TLN1: variants seen among roughly 807,000 people sequenced by gnomAD.
TLN1 encodes the protein talin 1.
In TLN1, 56 loss-of-function variants were observed where a neutral mutation model predicts 292.3. That is an observed-to-expected ratio of 0.19 (90% CI 0.15 to 0.24). The LOEUF is 0.24. TLN1 is among the 10% of genes least tolerant of loss of function. TLN1 has a pLI of 1.00. For missense variants in TLN1, 2,433 were observed against 3,248.2 expected (o/e 0.75, Z 6.10); for synonymous variants, 1,119 against 1,253.7 (o/e 0.89, Z 2.27).
At chr9:35,711,901 GGACA>G (rs1825676576) in intron 28 of TLN1, 100 bp downstream of exon 28, 1 of 1,592,702 alleles carries the variant, frequency 6.3e-7, no homozygotes, top group African/African-American at 1.3e-5. Context: ...TAATGAAAGG[GGACA>G]GATCTGGGAA....
chr9:35,711,595 C>T lies in TLN1; in HGVS notation c.3879G>A (p.Pro1293=), dbSNP rs1218725010. The T allele has an allele frequency of 6.2e-6, 10 of 1,613,528 alleles. No individual in the cohort carries two copies. The highest frequency in any genetic ancestry group is 1.7e-5 in the Admixed American group (1 of 60,024). ...AACCAGACCCTCTGCCTCTTCATAC[C>T]GGAGCCTGGCCTGCCATCTCCACAC... ...EAGVEMAGQA[P]SQEDRAQVVS... is the part of the protein sequence containing the mutation. Residue 1293 remains proline, a splice_region_variant and synonymous_variant, in exon 29 of 57, where the codon CCG becomes CCA. Transcript: ENST00000314888.
chr9:35,707,947 C>A lies in TLN1; in HGVS notation c.4471-55G>T. 2 of 1,586,532 alleles carry A rather than the reference C, an allele frequency of 1.3e-6. No homozygotes were observed. The highest frequency in any genetic ancestry group is 1.7e-5 in the Admixed American group (1 of 58,670). On this transcript the variant is annotated intron_variant, in intron 34 of 56. Transcript: ENST00000314888. This position sits in a 1 kb window ranked among gnomAD's most constrained non-coding sequence, Gnocchi z 5.6. ...AGGGCAGGAAGGAGGTGTACATACC[C>A]AAGGAGGAGCCATTTTAGGGTCAGG...
At position 35,707,540 on chromosome 9, in the gene TLN1, T is replaced by A. The variant is rs376738009; in HGVS notation, c.4633-52A>T. 6.2e-7 allele frequency: 1 copy of A among 1,601,478 alleles called. No homozygotes were observed. The highest frequency in any genetic ancestry group is 1.7e-5 in the Admixed American group (1 of 59,358). Reference sequence around the variant, plus strand: ...ACTTGGGATGCAGTCATAGGGGGTATAGGAAGTGAAGTCCAGGTCTCCTTC... The same window carrying A: ...ACTTGGGATGCAGTCATAGGGGGTAAAGGAAGTGAAGTCCAGGTCTCCTTC... On this transcript the variant is annotated intron_variant, in intron 35 of 56. Coordinates refer to ENST00000314888, the MANE Select transcript of TLN1 (RefSeq NM_006289.4). The surrounding 1 kb of genome is among the most constrained non-coding windows in gnomAD (Gnocchi z 5.6).
rs745741479 is a variant in TLN1 at position 35,724,001 on chromosome 9, T to C, written c.733A>G (p.Ile245Val). ...TGCTCATTGTGGGGCCCAAACTGGA[T>C]CTGGCATTGGAAGCCAGCAAACTCA... ...ACEFAGFQCQ[I>V]QFGPHNEQKH... is the part of the protein sequence containing the mutation. The change falls in exon 7 of 57, where the codon ATC (isoleucine) becomes GTC (valine). Residue 245 changes from isoleucine (I) to valine (V), a missense_variant. Transcript: ENST00000314888. The surrounding 1 kb of genome is among the most constrained non-coding windows in gnomAD (Gnocchi z 4.7). 15 of 1,613,866 alleles carry C rather than the reference T, an allele frequency of 9.3e-6. No individual in the cohort carries two copies. The Admixed American group carries it at 1.3e-4, about 14-fold the overall frequency.
intron 33 of TLN1, among the ~76,000 whole-genome samples, chr9:35,708,819 A>G (rs905957527): frequency 2.0e-5 from 3 of 152,266 alleles, no homozygotes; most frequent in African/African-American, 7.2e-5. Flanking sequence ...TACTGTAAGT[A>G]GCAGTAAAAC....
intron 48 of TLN1, among the ~76,000 whole-genome samples, chr9:35,702,436 G>A (rs545882394): frequency 6.6e-6 from 1 of 152,152 alleles, no homozygotes; most frequent in Non-Finnish European, 1.5e-5. Context: ...AATGACGTTC[G>A]AGAAACAAGA....
Position 35,718,858 on chromosome 9 carries a change from T to A in TLN1, c.1949A>T (p.Glu650Val). 6.2e-7 allele frequency: 1 copy of A among 1,613,666 alleles called. No homozygotes were observed. Among genetic ancestry groups the A allele is most frequent in the Non-Finnish European group, 8.5e-7 (1 of 1,179,836 alleles). ...ACTTTCCCCAATTTGTTGCAACAGC[T>A]CCCCACTGGCCTGGCCCACGTTCCC... ...AAGNVGQASG[E>V]LLQQIGESDT... Residue 650 changes from glutamate (E) to valine (V), a missense_variant, in exon 17 of 57, where the codon GAG becomes GTG. By Grantham distance (121) the Glu-to-Val change is moderately radical. Transcript: ENST00000314888.
In TLN1 at chr9:35,704,588, G is replaced by C. The variant is rs1825528611; in HGVS notation, c.5880+81C>G. 6.3e-7 allele frequency: 1 copy of C among 1,593,522 alleles called. No individual in the cohort carries two copies. Among genetic ancestry groups the C allele is most frequent in the Non-Finnish European group, 8.6e-7 (1 of 1,168,518 alleles). ...CCTGGGAGAAGTGACAACAGGAGAG[G>C]GCTGAGAGGGCTGGAGGAGGATGGC... On this transcript the variant is annotated intron_variant, in intron 44 of 56. Coordinates refer to ENST00000314888, the MANE Select transcript of TLN1 (RefSeq NM_006289.4). This position sits in a 1 kb window ranked among gnomAD's most constrained non-coding sequence, Gnocchi z 6.9.
rs147500636 is a variant in TLN1, at chr9:35,704,365, T to C, written c.6014A>G (p.Asn2005Ser). The change falls in exon 45 of 57, where the codon AAT (asparagine) becomes AGT (serine). Residue 2005 changes from asparagine to serine, a missense_variant. This residue lies in a region of TLN1 where 1,384 missense variants were observed against 1,699.6 expected (regional missense o/e 0.81). Transcript: ENST00000314888. The surrounding 1 kb of genome is among the most constrained non-coding windows in gnomAD (Gnocchi z 6.9). ...TIMFATAGTL[N>S]REGTETFADH... ...AGCGAAAGTTTCAGTACCCTCACGATTGAGCGTGCCAGCAGTGGCGAACAT... is the reference window on the plus strand; with the variant it reads ...AGCGAAAGTTTCAGTACCCTCACGACTGAGCGTGCCAGCAGTGGCGAACAT... 104 of 1,613,992 alleles carry C rather than the reference T, an allele frequency of 6.4e-5. No individual in the cohort carries two copies. Among genetic ancestry groups the C allele is most frequent in the Middle Eastern group, 1.6e-4 (1 of 6,082 alleles).
At chr9:35,708,700 A>G (rs1825607609) in intron 33 of TLN1, among the ~76,000 whole-genome samples, 1 of 152,262 alleles carries the variant, frequency 6.6e-6, no homozygotes, top group East Asian at 1.9e-4. Flanking sequence ...CAAGCATTTC[A>G]GAAGATTAAA....
At chr9:35,721,876 C>A in intron 9 of TLN1, 73 bp from the exon 10 acceptor site, 1 of 1,571,160 alleles carries the variant, frequency 6.4e-7, no homozygotes. Flanking sequence ...GATCAGCTTG[C>A]AGCCATAGGG....
intron 1 of TLN1, among the ~76,000 whole-genome samples, chr9:35,726,637 A>C (rs1404653353): frequency 6.6e-6 from 1 of 152,190 alleles, no homozygotes; most frequent in Non-Finnish European, 1.5e-5. Flanking sequence ...CAAGCCATTC[A>C]GGGGTCCGCT....
rs1825400508 is a variant in TLN1 at position 35,698,200 on chromosome 9, G to A, written c.7372-28C>T. ...GGGCAGAGAGAAAGTGGCCTAGGTTGAGAACTCAGGTACGGTCCCAGTTGA... is the reference window on the plus strand; with the variant it reads ...GGGCAGAGAGAAAGTGGCCTAGGTTAAGAACTCAGGTACGGTCCCAGTTGA... On this transcript the variant is annotated intron_variant, in intron 55 of 56. Coordinates refer to ENST00000314888, the MANE Select transcript of TLN1 (RefSeq NM_006289.4). This position sits in a 1 kb window ranked among gnomAD's most constrained non-coding sequence, Gnocchi z 5.3. The A allele has an allele frequency of 6.2e-7, 1 of 1,613,550 alleles. No homozygotes were observed. Among genetic ancestry groups the A allele is most frequent in the Non-Finnish European group, 8.5e-7 (1 of 1,179,756 alleles).
At chr9:35,725,009 T>A (rs1825944371) in intron 3 of TLN1, 50 bp from the exon 4 acceptor site, 1 of 1,611,972 alleles carries the variant, frequency 6.2e-7, no homozygotes, top group Non-Finnish European at 8.5e-7. Flanking sequence ...CTAGGGGTAT[T>A]ATTTCCTCTT....
chr9:35,705,244 CA>C (rs550619091), intron 43 of TLN1, among the ~76,000 whole-genome samples: 52 of 152,266 alleles, frequency 3.4e-4, no homozygotes, highest in African/African-American at 1.2e-3. Flanking sequence ...GAGTTTGCAA[CA>C]AGAAAGAACA....
chr9:35,705,760 A>G lies in TLN1; in HGVS notation c.5603T>C (p.Val1868Ala). The change falls in exon 42 of 57, where the codon GTT (valine) becomes GCT (alanine). Residue 1868 changes from valine (V) to alanine (A), a missense_variant. By Grantham distance (64) the Val-to-Ala change is moderately conservative (BLOSUM62 0). Around this residue, in one of 7 missense-constraint regions of TLN1, gnomAD observed 1,384 missense variants for 1,699.6 expected, o/e 0.81. Coordinates refer to ENST00000314888, the MANE Select transcript of TLN1 (RefSeq NM_006289.4). ...CTCGCCCAAACTCACCATCTCCTGA[A>G]CGGTCACTGCAATGGCCTTGGCTGT... ...VRTAKAIAVT[V>A]QEMVTKSNTS... The G allele has an allele frequency of 6.2e-7, 1 of 1,614,230 alleles. No homozygotes were observed. Among genetic ancestry groups the G allele is most frequent in the Non-Finnish European group, 8.5e-7 (1 of 1,180,038 alleles).
At chr9:35,726,121 C>T (rs1825974478) in intron 1 of TLN1, among the ~76,000 whole-genome samples, 1 of 152,176 alleles carries the variant, frequency 6.6e-6, no homozygotes, top group Admixed American at 6.5e-5. Context: ...ACCATGTTAG[C>T]CAGGATGGTC....
At chr9:35,721,833 C>T (rs773646912) in intron 9 of TLN1, 30 bp from the exon 10 acceptor site, 3 of 1,602,528 alleles carry the variant, frequency 1.9e-6, no homozygotes, top group East Asian at 2.2e-5. Flanking sequence ...GTTGGTGTTA[C>T]AGGTCAGAGG....
chr9:35,715,321 A>G, intron 20 of TLN1, 134 bp from the exon 21 acceptor site: 1 of 1,265,666 alleles, frequency 7.9e-7, no homozygotes, highest in Non-Finnish European at 1.1e-6. Context: ...CCCCACCAAA[A>G]GGCAATCACC....
Sources: gnomAD v4.1 joint callset for allele counts (sites outside exome capture counted in the v4.1 genomes callset) on GRCh38, gnomAD v4.1.1 for gene constraint, gnomAD v4.1.1 regional missense constraint, Gnocchi (gnomAD v3.1) non-coding constraint, MANE v1.5 for transcripts, NCBI Gene and HGNC (gene_info 2026-07-23, HGNC 2026-07-21) for gene names.